PACRG: variants seen among roughly 807,000 people sequenced by gnomAD.
The protein encoded by PACRG is parkin coregulated.
PACRG carries 29 observed loss-of-function variants against 29.7 expected under a neutral mutation model. The ratio of observed to expected loss-of-function variants is 0.98; its 90% CI spans 0.73 to 1.33. The LOEUF is 1.33. PACRG is among the 40% of genes most tolerant of loss of function. PACRG has a pLI of 0.00. For synonymous variants in PACRG, 116 were observed against 118.7 expected, an observed-to-expected ratio of 0.98 and a Z score of 0.15; for missense variants, 279 against 316.2, an observed-to-expected ratio of 0.88 and a Z score of 0.89.
chr6:162,797,913 C>G (rs1037566875), intron 1 of PACRG, among the ~76,000 whole-genome samples: 1 of 150,406 alleles, frequency 6.6e-6, no homozygotes, highest in Non-Finnish European at 1.5e-5. Context: ...CCATTTCTTC[C>G]CTGTCATAAT....
At chr6:162,869,908 G>C (rs1792655659) in intron 2 of PACRG, among the ~76,000 whole-genome samples, 1 of 152,170 alleles carries the variant, frequency 6.6e-6, no homozygotes, top group African/African-American at 2.4e-5. Context: ...CATTTTGTGC[G>C]ATTATTTAAT....
intron 1 of PACRG, among the ~76,000 whole-genome samples, chr6:162,747,113 G>A (rs1781047580): frequency 6.6e-6 from 1 of 151,388 alleles, no homozygotes; most frequent in Non-Finnish European, 1.5e-5. Flanking sequence ...TGAATCAGTG[G>A]GCTGGGAGAG....
intron 2 of PACRG, among the ~76,000 whole-genome samples, chr6:163,015,258 G>A (rs1380651715): frequency 6.6e-6 from 1 of 152,180 alleles, no homozygotes; most frequent in Non-Finnish European, 1.5e-5. Context: ...TAGCCTTGCA[G>A]TATAGTTTGA....
intron 4 of PACRG, among the ~76,000 whole-genome samples, chr6:163,238,820 A>C (rs1182735494): frequency 1.3e-5 from 2 of 150,292 alleles, no homozygotes; most frequent in South Asian, 4.1e-4. Flanking sequence ...AAAAGGCTCA[A>C]AAAAATGGTG....
chr6:163,002,592 T>C (rs1414057447), intron 2 of PACRG, among the ~76,000 whole-genome samples: 1 of 152,218 alleles, frequency 6.6e-6, no homozygotes, highest in Non-Finnish European at 1.5e-5. Flanking sequence ...AAGTAGTCAC[T>C]GAATAAATGA....
intron 1 of PACRG, among the ~76,000 whole-genome samples, chr6:162,747,617 C>T (rs1417358206): frequency 6.6e-6 from 1 of 150,482 alleles, no homozygotes; most frequent in Non-Finnish European, 1.5e-5. Context: ...CTACGTAGTA[C>T]AAACACCAAG....
chr6:162,893,585 T>G (rs1053364037), intron 2 of PACRG, among the ~76,000 whole-genome samples: 3 of 152,164 alleles, frequency 2.0e-5, no homozygotes, highest in Non-Finnish European at 4.4e-5. Flanking sequence ...TCTACACTCC[T>G]TGTATGGGAG....
chr6:163,236,353 T>C (rs1753135163), intron 4 of PACRG, among the ~76,000 whole-genome samples: 2 of 152,246 alleles, frequency 1.3e-5, no homozygotes. Context: ...GACTCACTTA[T>C]GTATACTTAT....
intron 2 of PACRG, among the ~76,000 whole-genome samples, chr6:162,865,056 T>G (rs566756380): frequency 2.2e-4 from 34 of 152,310 alleles, no homozygotes; most frequent in Non-Finnish European, 4.0e-4. Context: ...CACCAATTAC[T>G]AAATGTTAAC....
At chr6:162,962,512 G>A (rs529458714) in intron 2 of PACRG, among the ~76,000 whole-genome samples, 11 of 152,042 alleles carry the variant, frequency 7.2e-5, no homozygotes, top group Non-Finnish European at 1.6e-4. Context: ...GGGGTAATTA[G>A]GTTTAGCTGA....
chr6:162,818,684 A>C (rs1218642465), intron 2 of PACRG, among the ~76,000 whole-genome samples: 1 of 152,152 alleles, frequency 6.6e-6, no homozygotes, highest in Non-Finnish European at 1.5e-5. Flanking sequence ...GGTGTCTCTA[A>C]AATCTTTCAC....
At chr6:163,302,783 C>T (rs943717006) in intron 4 of PACRG, among the ~76,000 whole-genome samples, 3 of 152,132 alleles carry the variant, frequency 2.0e-5, no homozygotes, top group South Asian at 4.1e-4. Flanking sequence ...GTTTTTTCAT[C>T]GTAAGCACGA....
intron 3 of PACRG, among the ~76,000 whole-genome samples, chr6:163,087,360 G>A (rs1222572235): frequency 1.3e-5 from 2 of 151,018 alleles, no homozygotes; most frequent in Non-Finnish European, 3.0e-5. Context: ...GGGACCAGAA[G>A]AGAGATGGTG....
At chr6:162,958,909 A>T (rs1800363230) in intron 2 of PACRG, among the ~76,000 whole-genome samples, 1 of 133,682 alleles carries the variant, frequency 7.5e-6, no homozygotes, top group African/African-American at 2.8e-5. Context: ...AGAGAGAGAG[A>T]GAGAGAGAGA....
In PACRG at chr6:162,893,759, G is replaced by A. The variant is rs1193331572; in HGVS notation, c.291+79478G>A. Among the ~76,000 whole-genome samples the A allele has an allele frequency of 2.0e-5, 3 of 152,190 alleles. No homozygotes were observed. In the East Asian group the frequency reaches 5.8e-4, roughly 29 times the overall value. On this transcript the variant is annotated intron_variant, in intron 2 of 4. Transcript: ENST00000366888. Reference sequence around the variant, plus strand: ...GAGCCGCCGTGCTTACCCTCACCCTGTGGGCAGTCAGATATGATGGGAATC... The same window carrying A: ...GAGCCGCCGTGCTTACCCTCACCCTATGGGCAGTCAGATATGATGGGAATC...
intron 2 of PACRG, among the ~76,000 whole-genome samples, chr6:162,947,460 AATCATATATAATATATATATAATC>A (rs1799188883): frequency 8.3e-5 from 2 of 24,218 alleles, no homozygotes; most frequent in Admixed American, 1.0e-3. Flanking sequence ...TCATATATAT[AATCATATATAATATATATATAATC>A]ATATATATAC....
intron 2 of PACRG, among the ~76,000 whole-genome samples, chr6:163,035,088 C>T (rs994336579): frequency 6.6e-5 from 10 of 152,058 alleles, no homozygotes; most frequent in African/African-American, 2.4e-4. Flanking sequence ...TGAGTATGAC[C>T]AGAGGTCACT....
At chr6:162,937,362 G>A (rs903475225) in intron 2 of PACRG, among the ~76,000 whole-genome samples, 2 of 152,178 alleles carry the variant, frequency 1.3e-5, no homozygotes, top group Non-Finnish European at 2.9e-5. Context: ...TGCTGTGCTA[G>A]ACAGTGCAGG....
intron 4 of PACRG, among the ~76,000 whole-genome samples, chr6:163,200,432 A>T (rs1780647346): frequency 6.6e-6 from 1 of 152,040 alleles, no homozygotes; most frequent in South Asian, 2.1e-4. Flanking sequence ...CATTTGCGTG[A>T]CCTCGCGCAA....
Sources: allele counts gnomAD v4.1 joint callset (sites outside exome capture counted in the v4.1 genomes callset), GRCh38; gene constraint gnomAD v4.1.1; transcripts MANE v1.5; gene names NCBI Gene and HGNC (gene_info 2026-07-23, HGNC 2026-07-21).